NSD1: variants seen among roughly 807,000 people sequenced by gnomAD.
NSD1 encodes histone-lysine N-methyltransferase, H3 lysine-36 specific.
In NSD1, 26 loss-of-function variants were observed where a neutral mutation model predicts 242.7. The observed-to-expected ratio is 0.11, with a 90% CI of 0.08 to 0.15. NSD1 has a LOEUF of 0.15. NSD1 is among the 10% of genes least tolerant of loss of function. The probability of loss-of-function intolerance (pLI) is 1.00; values close to 1 mark genes in which losing one functional copy is unlikely to be tolerated. For synonymous variants in NSD1, 1,106 were observed against 1,178.1 expected (o/e 0.94, Z 1.25); for missense variants, 2,495 against 3,272.8 (o/e 0.76, Z 5.80).
rs749195834 is a variant in NSD1 at position 177,246,739 on chromosome 5, G to A, written c.4440G>A (p.Lys1480=). The A allele has an allele frequency of 2.5e-6, 4 of 1,614,132 alleles. No individual in the cohort carries two copies. In the East Asian group the frequency reaches 8.9e-5, roughly 36 times the overall value. The change falls in exon 10 of 23, where the codon AAG becomes AAA. Residue 1480 remains lysine, a synonymous_variant. Transcript: ENST00000439151. ...KRKRQRHAAA[K]MQCKKVKNDD... ...AACGACAGAGGCATGCTGCAGCCAAGATGCAGTGTAAAAAAGTGAAAAATG... is the reference window on the plus strand; with the variant it reads ...AACGACAGAGGCATGCTGCAGCCAAAATGCAGTGTAAAAAAGTGAAAAATG...
chr5:177,260,456 C>A (rs1756910642), intron 14 of NSD1, among the ~76,000 whole-genome samples: 1 of 148,260 alleles, frequency 6.7e-6, no homozygotes, highest in Non-Finnish European at 1.5e-5. Flanking sequence ...AAGCAGTTCT[C>A]CTGCCTCAGC....
chr5:177,252,455 G>A (rs1756049713), intron 12 of NSD1, among the ~76,000 whole-genome samples: 1 of 149,510 alleles, frequency 6.7e-6, no homozygotes, highest in Admixed American at 6.7e-5. Flanking sequence ...GGGTTATAAT[G>A]CTTAGATTGG....
At chr5:177,165,348 G>A (rs1759096476) in intron 2 of NSD1, among the ~76,000 whole-genome samples, 1 of 151,824 alleles carries the variant, frequency 6.6e-6, no homozygotes, top group Non-Finnish European at 1.5e-5. Context: ...TTTGTATTTT[G>A]ATTAGAGACA....
intron 5 of NSD1, among the ~76,000 whole-genome samples, chr5:177,228,081 A>G (rs1225195125): frequency 6.6e-6 from 1 of 151,976 alleles, no homozygotes; most frequent in South Asian, 2.1e-4. Flanking sequence ...TACTCTGTAC[A>G]GTAGTCTCCC....
intron 4 of NSD1, among the ~76,000 whole-genome samples, chr5:177,206,623 A>G (rs1762885008): frequency 6.6e-6 from 1 of 152,216 alleles, no homozygotes; most frequent in African/African-American, 2.4e-5. Flanking sequence ...AATATGACAT[A>G]CAATTGATGC....
At chr5:177,235,354 CTTA>C (rs757478034) in intron 5 of NSD1, among the ~76,000 whole-genome samples, 33 of 152,172 alleles carry the variant, frequency 2.2e-4, no homozygotes, top group Non-Finnish European at 3.5e-4. Context: ...CCCAAGATAA[CTTA>C]TTATATATAT....
chr5:177,261,353 T>G (rs1352072086), intron 14 of NSD1, among the ~76,000 whole-genome samples: 1 of 151,792 alleles, frequency 6.6e-6, no homozygotes, highest in Non-Finnish European at 1.5e-5. Flanking sequence ...AGTGCTAGGA[T>G]TACAGACGTG....
chr5:177,193,437 G>A (rs754567088), intron 3 of NSD1, among the ~76,000 whole-genome samples: 4 of 151,778 alleles, frequency 2.6e-5, no homozygotes, highest in Admixed American at 6.6e-5. Flanking sequence ...CCACCGTGCC[G>A]GGCCAATTTT....
At chr5:177,199,429 T>A (rs1470175292) in intron 3 of NSD1, among the ~76,000 whole-genome samples, 1 of 152,096 alleles carries the variant, frequency 6.6e-6, no homozygotes, top group Non-Finnish European at 1.5e-5. Flanking sequence ...AGCTAATTTT[T>A]AAATTTTTTT....
chr5:177,154,708 A>G (rs1378169020), intron 2 of NSD1, among the ~76,000 whole-genome samples: 2 of 151,744 alleles, frequency 1.3e-5, no homozygotes, highest in Non-Finnish European at 2.9e-5. Context: ...TATTATTATT[A>G]TTTTTGAGAC....
chr5:177,292,363 G>A (rs1231971816), intron 22 of NSD1, among the ~76,000 whole-genome samples: 1 of 152,204 alleles, frequency 6.6e-6, no homozygotes, highest in Non-Finnish European at 1.5e-5. Flanking sequence ...CGGTGCACTT[G>A]CTGTGTTTCA....
chr5:177,283,129 T>C (rs948863923), intron 19 of NSD1, among the ~76,000 whole-genome samples: 1 of 152,110 alleles, frequency 6.6e-6, no homozygotes, highest in African/African-American at 2.4e-5. Flanking sequence ...AATTTTTGTA[T>C]TTTTAGTAGA....
Position 177,194,525 on chromosome 5 carries a change from C to T in NSD1, c.1063+2506C>T, listed in dbSNP as rs938980979. Among the ~76,000 whole-genome samples, 4 of 148,944 alleles carry T rather than the reference C, an allele frequency of 2.7e-5. No homozygotes were observed. The South Asian group carries it at 8.5e-4, about 32-fold the overall frequency. On this transcript the variant is annotated intron_variant, in intron 3 of 22. Coordinates refer to ENST00000439151, the MANE Select transcript of NSD1 (RefSeq NM_022455.5). ...GAAATCCTGAGCTTAATAAGGGATC[C>T]TCCCACCTTGGCCTTCCGGAGTGCT... is the stretch of plus-strand genomic sequence containing the variant.
At chr5:177,265,759 C>CA (rs1451345738) in intron 14 of NSD1, 1 of 1,518,516 alleles carries the variant, frequency 6.6e-7, no homozygotes, top group Non-Finnish European at 9.1e-7. Context: ...AGTGCGTGTA[C>CA]AGGGACTCGG....
intron 2 of NSD1, among the ~76,000 whole-genome samples, chr5:177,146,685 T>C (rs1041663978): frequency 7.9e-5 from 12 of 152,082 alleles, no homozygotes; most frequent in African/African-American, 2.9e-4. Context: ...CTGTATAGGT[T>C]AGTATATCCA....
At chr5:177,178,721 T>A (rs1051234059) in intron 2 of NSD1, among the ~76,000 whole-genome samples, 9 of 152,292 alleles carry the variant, frequency 5.9e-5, no homozygotes, top group African/African-American at 2.2e-4. Flanking sequence ...CCTTGTTTAA[T>A]GTTTGTTTTT....
chr5:177,216,528 G>C (rs1763783961), intron 5 of NSD1, among the ~76,000 whole-genome samples: 4 of 152,006 alleles, frequency 2.6e-5, no homozygotes, highest in Admixed American at 2.6e-4. Context: ...TAAAATGAGA[G>C]TTCATCTTCG....
intron 2 of NSD1, among the ~76,000 whole-genome samples, chr5:177,186,108 A>T (rs1338481970): frequency 1.6e-5 from 2 of 121,492 alleles, no homozygotes; most frequent in East Asian, 4.3e-4. Context: ...ATATTATATT[A>T]TATGTATATT....
chr5:177,265,245 G>A (rs1465586993), intron 14 of NSD1: 3 of 745,188 alleles, frequency 4.0e-6, no homozygotes, highest in Admixed American at 1.8e-5. Flanking sequence ...GGCATCATAG[G>A]TGTTAAAAAA....
Sources: gnomAD v4.1 joint callset for allele counts (sites outside exome capture counted in the v4.1 genomes callset) on GRCh38, gnomAD v4.1.1 for gene constraint, MANE v1.5 for transcripts, NCBI Gene and HGNC (gene_info 2026-07-23, HGNC 2026-07-21) for gene names.